The following AUTS2 variants were observed in gnomAD, a reference collection of about 807,000 sequenced individuals.
AUTS2 encodes the protein activator of transcription and developmental regulator AUTS2, also known as autism susceptibility gene 2 protein.
A neutral mutation model predicts 112.4 loss-of-function variants in AUTS2; 17 were observed. The ratio of observed to expected loss-of-function variants is 0.15; its 90% confidence interval spans 0.10 to 0.23. The LOEUF is 0.23. AUTS2 is among the 10% of genes least tolerant of loss of function. AUTS2 has a pLI of 1.00. For synonymous variants in AUTS2, 751 were observed against 702.7 expected (o/e 1.07, Z -1.09); for missense variants, 1,510 against 1,701.6 (o/e 0.89, Z 1.98).
chr7:70,779,476 T>C (rs1429111402), intron 14 of AUTS2, among the ~76,000 whole-genome samples: 1 of 152,124 alleles, frequency 6.6e-6, no homozygotes, highest in Non-Finnish European at 1.5e-5. Context: ...TCTTAATGGG[T>C]GGTGTCATTT....
chr7:70,531,707 C>A (rs1278108341), intron 5 of AUTS2, among the ~76,000 whole-genome samples: 2 of 152,050 alleles, frequency 1.3e-5, no homozygotes, highest in Non-Finnish European at 2.9e-5. Flanking sequence ...CCCCATGACC[C>A]CAACACCTCC....
intron 5 of AUTS2, among the ~76,000 whole-genome samples, chr7:70,624,519 C>T (rs1047455882): frequency 3.3e-5 from 5 of 152,238 alleles, no homozygotes; most frequent in Middle Eastern, 3.4e-3. Context: ...ATTTTATTTT[C>T]AGGTCCCCAC....
At position 70,572,949 on chromosome 7, in the gene AUTS2, T is replaced by C. The variant is rs1050136311; in HGVS notation, c.691-125620T>C. Among the ~76,000 whole-genome samples the C allele has an allele frequency of 2.0e-5, 3 of 152,238 alleles. No homozygotes were observed. The East Asian group carries it at 5.8e-4, about 29-fold the overall frequency. On this transcript the variant is annotated intron_variant, in intron 5 of 18. Transcript: ENST00000342771. ...ACGGCTAGCTTCAGAGACTAGATCA[T>C]TTCATGAAGGGAAATCAATTAAAAA... is the stretch of plus-strand genomic sequence containing the variant.
At chr7:69,779,750 C>T (rs1428390597) in intron 1 of AUTS2, among the ~76,000 whole-genome samples, 9 of 131,716 alleles carry the variant, frequency 6.8e-5, no homozygotes, top group South Asian at 2.4e-4. Flanking sequence ...GGTGACAGAA[C>T]GAGACTCCAT....
chr7:69,768,011 C>T (rs761523435), intron 1 of AUTS2, among the ~76,000 whole-genome samples: 1 of 152,202 alleles, frequency 6.6e-6, no homozygotes, highest in Non-Finnish European at 1.5e-5. Flanking sequence ...TCTCTCCCAC[C>T]AGAGTTTATC....
chr7:70,086,835 G>A (rs1162420799), intron 2 of AUTS2, among the ~76,000 whole-genome samples: 4 of 151,342 alleles, frequency 2.6e-5, no homozygotes, highest in Admixed American at 2.6e-4. Flanking sequence ...CTGTAATATT[G>A]GTAAACTCAC....
intron 1 of AUTS2, among the ~76,000 whole-genome samples, chr7:69,689,639 CTTTT>C (rs1350104016): frequency 1.9e-4 from 25 of 133,746 alleles, no homozygotes; most frequent in South Asian, 1.0e-3. Context: ...CGCACCCGGC[CTTTT>C]ATTTATTTAT....
chr7:70,236,491 A>G (rs778890606), intron 4 of AUTS2, among the ~76,000 whole-genome samples: 1 of 152,190 alleles, frequency 6.6e-6, no homozygotes, highest in African/African-American at 2.4e-5. Flanking sequence ...TGTCTTCTCA[A>G]TAAAAAGTAC....
chr7:70,306,284 G>C (rs1191783158), intron 4 of AUTS2, among the ~76,000 whole-genome samples: 1 of 152,198 alleles, frequency 6.6e-6, no homozygotes, highest in Non-Finnish European at 1.5e-5. Flanking sequence ...AGTCATAGCA[G>C]GTTGTTTCAG....
chr7:70,257,526 C>T (rs1348041514), intron 4 of AUTS2, among the ~76,000 whole-genome samples: 1 of 152,070 alleles, frequency 6.6e-6, no homozygotes, highest in Admixed American at 6.5e-5. Context: ...GCATGTTGGC[C>T]AGGCTGGTCT....
intron 1 of AUTS2, among the ~76,000 whole-genome samples, chr7:69,822,554 A>G (rs746401883): frequency 6.6e-6 from 1 of 152,224 alleles, no homozygotes; most frequent in African/African-American, 2.4e-5. Flanking sequence ...CATTTTGTTT[A>G]TAATTGGACA....
intron 4 of AUTS2, among the ~76,000 whole-genome samples, chr7:70,276,612 C>T (rs1330753263): frequency 6.6e-6 from 1 of 152,148 alleles, no homozygotes; most frequent in African/African-American, 2.4e-5. Context: ...CTCCTGAATT[C>T]AGGTGACCTG....
At chr7:70,295,675 A>T (rs576603459) in intron 4 of AUTS2, among the ~76,000 whole-genome samples, 8 of 152,174 alleles carry the variant, frequency 5.3e-5, no homozygotes, top group Non-Finnish European at 1.2e-4. Flanking sequence ...TTCACTACCC[A>T]TTCATAGGCA....
intron 1 of AUTS2, among the ~76,000 whole-genome samples, chr7:69,843,858 A>G (rs1054591705): frequency 1.3e-5 from 2 of 152,206 alleles, no homozygotes; most frequent in African/African-American, 4.8e-5. Context: ...AAGGTCCACA[A>G]CTAAGAAGAT....
At chr7:70,696,993 C>T (rs1809150170) in intron 5 of AUTS2, among the ~76,000 whole-genome samples, 1 of 152,154 alleles carries the variant, frequency 6.6e-6, no homozygotes, top group African/African-American at 2.4e-5. Context: ...TGGTAAAATA[C>T]ACATATCTCG....
intron 4 of AUTS2, among the ~76,000 whole-genome samples, chr7:70,407,624 A>G (rs1213969012): frequency 6.6e-6 from 1 of 152,226 alleles, no homozygotes; most frequent in South Asian, 2.1e-4. Flanking sequence ...TTTAAAGTAA[A>G]AAGAATATAG....
intron 5 of AUTS2, among the ~76,000 whole-genome samples, chr7:70,538,416 G>A (rs1800412211): frequency 6.6e-6 from 1 of 152,138 alleles, no homozygotes; most frequent in South Asian, 2.1e-4. Flanking sequence ...TCTGCCACCT[G>A]CTACTTGGGA....
intron 5 of AUTS2, among the ~76,000 whole-genome samples, chr7:70,462,694 C>T (rs947996243): frequency 6.6e-6 from 1 of 152,044 alleles, no homozygotes; most frequent in African/African-American, 2.4e-5. Context: ...CAGTGGCTCA[C>T]ACCTGTAATC....
At chr7:70,004,127 AATAT>A (rs1799398436) in intron 2 of AUTS2, among the ~76,000 whole-genome samples, 1 of 131,568 alleles carries the variant, frequency 7.6e-6, no homozygotes, top group Non-Finnish European at 1.5e-5. Context: ...GTTATATGTG[AATAT>A]ATATAATATA....
Sources: gnomAD v4.1 joint callset for allele counts (sites outside exome capture counted in the v4.1 genomes callset) on GRCh38, gnomAD v4.1.1 for gene constraint, MANE v1.5 for transcripts, NCBI Gene and HGNC (gene_info 2026-07-23, HGNC 2026-07-21) for gene names.